Variants in STK17A observed in about 807,000 individuals in gnomAD.
STK17A encodes serine/threonine kinase 17a.
Under a neutral mutation model 43.7 loss-of-function variants are expected in STK17A, and 26 were observed. The ratio of observed to expected loss-of-function variants is 0.60; its 90% confidence interval spans 0.44 to 0.83. STK17A has a LOEUF of 0.83. Among genes scored for constraint, STK17A ranks in the 40% least tolerant of loss-of-function variants. The pLI, the probability that STK17A is intolerant of heterozygous loss-of-function variation, is 0.00. For missense variants in STK17A, 476 were observed against 511.6 expected, an observed-to-expected ratio of 0.93 and a Z score of 0.67; for synonymous variants, 191 against 182.5, an observed-to-expected ratio of 1.05 and a Z score of -0.38.
rs1306736213 is a variant in STK17A, at chr7:43,622,390, TACATG to T, written c.692-1179_692-1175del. The T allele has an allele frequency of 4.6e-5, 7 of 152,334 alleles. No individual in the cohort carries two copies. In the East Asian group the frequency reaches 1.3e-3, roughly 29 times the overall value. 9.4% of individuals were successfully genotyped at this position (152,334 alleles called of 1,614,324 possible). A position where few individuals can be genotyped will look rare whatever the true frequency, so the allele number is the denominator to read the frequency against. Reference sequence around the variant, plus strand: ...GGGTTTGTCACAAATGAGTAGTAGATACATGACCTTGAGTATTTCGTTTTTTCATA... The same window carrying T: ...GGGTTTGTCACAAATGAGTAGTAGATACCTTGAGTATTTCGTTTTTTCATA... On this transcript the variant is annotated intron_variant, in intron 4 of 6. Coordinates refer to ENST00000319357, the MANE Select transcript of STK17A (RefSeq NM_004760.3).
chr7:43,626,230 A>G lies in STK17A; in HGVS notation c.*1388A>G, dbSNP rs894260808. The G allele has an allele frequency of 3.3e-5, 5 of 152,198 alleles. No homozygotes were observed. Among genetic ancestry groups the G allele is most frequent in the African/African-American group, 1.2e-4 (5 of 41,450 alleles). 9.4% of individuals were successfully genotyped at this position (152,198 alleles called of 1,614,324 possible). ...TGTCACACAAAGCTCTCTCCCTAAC[A>G]TGGTTTCTCAACTGTCAAAATCATG... On this transcript the variant is annotated 3_prime_UTR_variant, in exon 7 of 7. Transcript: ENST00000319357.
At position 43,626,735 on chromosome 7, in the gene STK17A, T is replaced by C. The variant is rs771911558; in HGVS notation, c.*1893T>C. ...TCATCAAGTTTTAAAATCAGAATCA[T>C]TTGGGCTTTTTAAAAACCATTTTAT... is the stretch of plus-strand genomic sequence containing the variant. On this transcript the variant is annotated 3_prime_UTR_variant, in exon 7 of 7. Transcript: ENST00000319357. 6.6e-6 allele frequency: 1 copy of C among 152,228 alleles called. No individual in the cohort carries two copies. Among genetic ancestry groups the C allele is most frequent in the Non-Finnish European group, 1.5e-5 (1 of 68,040 alleles). 9.4% of individuals were successfully genotyped at this position (152,228 alleles called of 1,614,324 possible).
intron 4 of STK17A, 61 bp from the exon 5 acceptor site, chr7:43,623,511 T>TAA (rs1167819224): frequency 6.9e-7 from 1 of 1,452,536 alleles, no homozygotes; most frequent in African/African-American, 1.4e-5. Context: ...TTTTATCTCT[T>TAA]AGAGCAAATT....
At chr7:43,597,531 G>A (rs551333987) in intron 2 of STK17A, among the ~76,000 whole-genome samples, 256 of 152,096 alleles carry the variant, frequency 1.7e-3, no homozygotes, top group African/African-American at 5.8e-3. Flanking sequence ...ACAGGCATCC[G>A]TCCACCTTTA....
chr7:43,607,656 A>AG (rs1190613741), intron 2 of STK17A, among the ~76,000 whole-genome samples: 1 of 151,438 alleles, frequency 6.6e-6, no homozygotes, highest in Non-Finnish European at 1.5e-5. Context: ...TCAAAAAAAA[A>AG]AAAAAAAAAA....
intron 1 of STK17A, among the ~76,000 whole-genome samples, chr7:43,594,079 C>T (rs1160141304): frequency 6.6e-6 from 1 of 152,102 alleles, no homozygotes; most frequent in Non-Finnish European, 1.5e-5. Flanking sequence ...ACATTTTCTG[C>T]TGAGCCATAA....
In STK17A at chr7:43,623,625, G is replaced by A. The variant is rs1376339023; in HGVS notation, c.740+5G>A. The A allele has an allele frequency of 3.1e-6, 5 of 1,609,900 alleles. No individual in the cohort carries two copies. The African/African-American group carries it at 5.4e-5, about 17-fold the overall frequency. On this transcript the variant is annotated splice_donor_5th_base_variant and intron_variant, in intron 5 of 6. Coordinates refer to ENST00000319357, the MANE Select transcript of STK17A (RefSeq NM_004760.3). ...AAGCATGGCAACAGATATGTGGTAA[G>A]AGTTATTAATGAAAAATTGATCAAA... is the stretch of plus-strand genomic sequence containing the variant.
At chr7:43,618,841 G>T (rs942819746) in intron 3 of STK17A, among the ~76,000 whole-genome samples, 1 of 152,078 alleles carries the variant, frequency 6.6e-6, no homozygotes. Flanking sequence ...GAGAACTTAG[G>T]GTAGAAGTCA....
intron 1 of STK17A, among the ~76,000 whole-genome samples, chr7:43,593,632 T>C (rs533335944): frequency 3.9e-5 from 6 of 152,276 alleles, no homozygotes; most frequent in Middle Eastern, 6.8e-3. Context: ...CTCTGATGAT[T>C]AGTGATGTTG....
At position 43,626,824 on chromosome 7, in the gene STK17A, T is replaced by C. The variant is rs2084599321; in HGVS notation, c.*1982T>C. The C allele has an allele frequency of 6.6e-6, 1 of 152,240 alleles. No individual in the cohort carries two copies. Among genetic ancestry groups the C allele is most frequent in the Non-Finnish European group, 1.5e-5 (1 of 68,048 alleles). 9.4% of individuals were successfully genotyped at this position (152,240 alleles called of 1,614,324 possible). On this transcript the variant is annotated 3_prime_UTR_variant, in exon 7 of 7. Coordinates refer to ENST00000319357, the MANE Select transcript of STK17A (RefSeq NM_004760.3). ...TGAGAAAGATCTGTTTTCTTTTAGC[T>C]GGCCACTTCAGTTTGCTGCGTATCT...
Position 43,606,696 on chromosome 7 carries a change from T to C in STK17A, c.420-1560T>C, listed in dbSNP as rs189820400. Among the ~76,000 whole-genome samples, 22 of 152,238 alleles carry C rather than the reference T, an allele frequency of 1.4e-4. No individual in the cohort carries two copies. In the East Asian group the frequency reaches 4.2e-3, roughly 29 times the overall value. ...AAATTAGTTAATATTATATTTTCTG[T>C]TACTATACTTGAGAGATGCTTTTAA... On this transcript the variant is annotated intron_variant, in intron 2 of 6. Coordinates refer to ENST00000319357, the MANE Select transcript of STK17A (RefSeq NM_004760.3).
rs182354903 is a variant in STK17A at position 43,611,345 on chromosome 7, T to C, written c.564+2945T>C. Among the ~76,000 whole-genome samples, 4 of 152,350 alleles carry C rather than the reference T, an allele frequency of 2.6e-5. No homozygotes were observed. In the East Asian group the frequency reaches 5.8e-4, roughly 22 times the overall value. ...CCAATGTAAATTCATTTTATACACA[T>C]TTATCTTTTCTCAAAGATATTAATT... On this transcript the variant is annotated intron_variant, in intron 3 of 6. Coordinates refer to ENST00000319357, the MANE Select transcript of STK17A (RefSeq NM_004760.3).
intron 1 of STK17A, among the ~76,000 whole-genome samples, chr7:43,584,986 C>T (rs1370641217): frequency 1.3e-5 from 2 of 152,190 alleles, no homozygotes; most frequent in Non-Finnish European, 2.9e-5. Context: ...CACCTGAGGT[C>T]AGGAGTTCCA....
intron 2 of STK17A, among the ~76,000 whole-genome samples, chr7:43,606,133 C>T (rs2082586950): frequency 6.6e-6 from 1 of 151,722 alleles, no homozygotes; most frequent in South Asian, 2.1e-4. Flanking sequence ...AAATATCTTT[C>T]ATTTTTCTCT....
At chr7:43,599,681 A>G (rs1438614480) in intron 2 of STK17A, among the ~76,000 whole-genome samples, 1 of 152,236 alleles carries the variant, frequency 6.6e-6, no homozygotes, top group East Asian at 1.9e-4. Flanking sequence ...AGGACTTATT[A>G]GGAAACTGGC....
Position 43,595,903 on chromosome 7 carries a change from G to A in STK17A, c.209G>A (p.Gly70Glu). The A allele has an allele frequency of 1.2e-6, 2 of 1,612,292 alleles. No homozygotes were observed. Among genetic ancestry groups the A allele is most frequent in the Non-Finnish European group, 1.7e-6 (2 of 1,179,224 alleles). The change falls in exon 2 of 7, where the codon GGG (glycine) becomes GAG (glutamate). Residue 70 changes from glycine to glutamate, a missense_variant and splice_region_variant. By Grantham distance (98) the Gly-to-Glu change is moderately conservative. Transcript: ENST00000319357. The stretch of plus-strand genomic sequence containing the variant: ...TGAATGTTTTTGTTTAATTCTAGGG[G>A]GAAATTTGCAGTGGTGAGAAAATGT... The part of the protein sequence containing the change: ...SLCPGRELGR[G>E]KFAVVRKCIK...
chr7:43,583,495 G>T lies in STK17A; in HGVS notation c.206+46G>T. 1 of 1,254,656 alleles carries T rather than the reference G, an allele frequency of 8.0e-7. No homozygotes were observed. The highest frequency in any genetic ancestry group is 3.0e-5 in the South Asian group (1 of 33,240). 77.7% of individuals were successfully genotyped at this position (1,254,656 alleles called of 1,614,324 possible). A position where few individuals can be genotyped will look rare whatever the true frequency, so the allele number is the denominator to read the frequency against. On this transcript the variant is annotated intron_variant, in intron 1 of 6. Transcript: ENST00000319357. ...GCGCGGAACCTTCCCGGACGCGCGGGGCGGGACGTGGGCGCCGATAAGTGC... is the reference window on the plus strand; with the variant it reads ...GCGCGGAACCTTCCCGGACGCGCGGTGCGGGACGTGGGCGCCGATAAGTGC...
chr7:43,624,670 A>C lies in STK17A; in HGVS notation c.1073A>C (p.Lys358Thr). 2 of 1,614,122 alleles carry C rather than the reference A, an allele frequency of 1.2e-6. No homozygotes were observed. The highest frequency in any genetic ancestry group is 1.7e-6 in the Non-Finnish European group (2 of 1,180,008). ...SVPEINSDTDKSETKESIVTE... is the reference protein window; with the variant it reads ...SVPEINSDTDTSETKESIVTE... ...CCTGAAATTAATTCGGATACCGACA[A>C]ATCAGAAACCAAGGAATCCATTGTA... Residue 358 changes from lysine (K) to threonine (T), a missense_variant, in exon 7 of 7, where the codon AAA becomes ACA. Lys to Thr is a moderately conservative substitution (Grantham distance 78, BLOSUM62 -1). Transcript: ENST00000319357.
intron 2 of STK17A, among the ~76,000 whole-genome samples, chr7:43,597,484 C>T (rs1454414316): frequency 1.3e-5 from 2 of 151,856 alleles, no homozygotes; most frequent in Non-Finnish European, 2.9e-5. Context: ...TGGGTTCAAG[C>T]GATTCTCCTG....
Sources: allele counts gnomAD v4.1 joint callset (sites outside exome capture counted in the v4.1 genomes callset), GRCh38; gene constraint gnomAD v4.1.1; transcripts MANE v1.5; gene names NCBI Gene and HGNC (gene_info 2026-07-23, HGNC 2026-07-21).